The following PDE2A variants were observed in gnomAD, a reference collection of about 807,000 sequenced individuals.
The protein encoded by PDE2A is cGMP-dependent 3',5'-cyclic phosphodiesterase.
A neutral mutation model predicts 133.6 loss-of-function variants in PDE2A; 53 were observed. The ratio of observed to expected loss-of-function variants is 0.40; its 90% CI spans 0.32 to 0.50. The LOEUF (loss-of-function observed/expected upper bound fraction) is 0.50, where lower values mean the gene tolerates loss of function less well. Among genes scored for constraint, PDE2A ranks in the 20% least tolerant of loss-of-function variants. PDE2A has a pLI of 0.73. For missense variants in PDE2A, 796 were observed against 1,232.4 expected, an observed-to-expected ratio of 0.65 and a Z score of 5.30; for synonymous variants, 491 against 490.2, an observed-to-expected ratio of 1.00 and a Z score of -0.02.
At chr11:72,615,224 TCCGCCCC>T (rs1857407218) in intron 2 of PDE2A, 2 of 352,778 alleles carry the variant, frequency 5.7e-6, no homozygotes, top group Non-Finnish European at 1.3e-5. Flanking sequence ...CACAACCAGC[TCCGCCCC>T]GGCCTCTCGC....
chr11:72,629,994 T>C (rs1444499053), intron 2 of PDE2A, among the ~76,000 whole-genome samples: 1 of 151,876 alleles, frequency 6.6e-6, no homozygotes, highest in Admixed American at 6.5e-5. Context: ...CAGTTCTCTC[T>C]CTCTCTCTCA....
Position 72,638,369 on chromosome 11 carries a change from C to T in PDE2A, c.144+3885G>A, listed in dbSNP as rs186060220. On this transcript the variant is annotated intron_variant, in intron 2 of 30. Transcript: ENST00000334456. ...CCAGTCACTTGATGATAGGTGTGAGCATCTGGACTCTGCCAGACCCAGCTC... is the reference window on the plus strand; with the variant it reads ...CCAGTCACTTGATGATAGGTGTGAGTATCTGGACTCTGCCAGACCCAGCTC... Among the ~76,000 whole-genome samples, 111 of 152,322 alleles carry T rather than the reference C, an allele frequency of 7.3e-4. 1 individual carries two copies. The highest frequency in any genetic ancestry group is 2.6e-3 in the African/African-American group (109 of 41,564).
intron 18 of PDE2A, 77 bp from the exon 19 acceptor site, chr11:72,584,390 C>T: frequency 5.6e-6 from 7 of 1,257,480 alleles, no homozygotes; most frequent in East Asian, 2.4e-5. Context: ...CCGGGACCTG[C>T]CCTCGCAGTT....
At chr11:72,629,562 C>A (rs1220613578) in intron 2 of PDE2A, among the ~76,000 whole-genome samples, 1 of 152,230 alleles carries the variant, frequency 6.6e-6, no homozygotes, top group Non-Finnish European at 1.5e-5. Context: ...AGGCCCTCCC[C>A]TCCCAGCTCC....
intron 2 of PDE2A, chr11:72,630,997 G>A (rs1565182300): frequency 8.5e-7 from 1 of 1,180,144 alleles, no homozygotes; most frequent in Non-Finnish European, 1.2e-6. Flanking sequence ...CTCCCAAGGG[G>A]GAGGGCACCA....
At chr11:72,637,709 G>T (rs1399363917) in intron 2 of PDE2A, among the ~76,000 whole-genome samples, 1 of 152,260 alleles carries the variant, frequency 6.6e-6, no homozygotes, top group Non-Finnish European at 1.5e-5. Context: ...TCGGGCTCAG[G>T]GTAGTGGACA....
intron 2 of PDE2A, among the ~76,000 whole-genome samples, chr11:72,627,920 C>T (rs1178409933): frequency 2.0e-5 from 3 of 152,240 alleles, no homozygotes; most frequent in Non-Finnish European, 4.4e-5. Flanking sequence ...AAGGAGGATG[C>T]CAGGCTGAGC....
intron 4 of PDE2A, among the ~76,000 whole-genome samples, chr11:72,601,042 C>A (rs888607610): frequency 6.7e-6 from 1 of 149,094 alleles, no homozygotes; most frequent in Non-Finnish European, 1.5e-5. Context: ...TGGAGAAGCC[C>A]CCCTCCAACA....
chr11:72,621,831 A>G (rs540513579), intron 2 of PDE2A: 2 of 152,172 alleles, frequency 1.3e-5, no homozygotes, highest in Admixed American at 1.3e-4. Context: ...AGCTCCCCCC[A>G]CCAAAAAAAA....
At chr11:72,630,429 G>A (rs1743000206) in intron 2 of PDE2A, among the ~76,000 whole-genome samples, 3 of 152,044 alleles carry the variant, frequency 2.0e-5, no homozygotes, top group African/African-American at 7.3e-5. Flanking sequence ...ATGGTCAAGG[G>A]GTAGAGAGGA....
intron 1 of PDE2A, chr11:72,668,939 C>T: frequency 9.9e-7 from 1 of 1,010,216 alleles, no homozygotes; most frequent in South Asian, 4.1e-5. Context: ...TGGTCTCTCC[C>T]TCTCCAGGCC....
chr11:72,665,980 C>T (rs1855223103), intron 1 of PDE2A, among the ~76,000 whole-genome samples: 1 of 152,158 alleles, frequency 6.6e-6, no homozygotes, highest in South Asian at 2.1e-4. Context: ...GGAAGCCCCT[C>T]CTCTGGCCTC....
chr11:72,662,009 C>T (rs1481871264), intron 1 of PDE2A, among the ~76,000 whole-genome samples: 5 of 152,074 alleles, frequency 3.3e-5, no homozygotes, highest in African/African-American at 1.2e-4. Flanking sequence ...GGGAGTTCTT[C>T]TGTGTTATTG....
intron 2 of PDE2A, among the ~76,000 whole-genome samples, chr11:72,617,924 A>C (rs1857555874): frequency 1.3e-5 from 2 of 152,280 alleles, no homozygotes; most frequent in South Asian, 4.1e-4. Context: ...TGGGATAAGC[A>C]ATCTTCTGAG....
rs374023941 is a variant in PDE2A, at chr11:72,579,525, C to T, written c.2256+9G>A. 1 of 1,390,502 alleles carries T rather than the reference C, an allele frequency of 7.2e-7. No homozygotes were observed. Among genetic ancestry groups the T allele is most frequent in the Non-Finnish European group, 1.0e-6 (1 of 983,794 alleles). The allele number at this position is 1,390,502 out of a possible 1,614,324, so 86.1% of individuals were successfully genotyped here. The stretch of plus-strand genomic sequence containing the variant: ...CCCTCAATCCCCACCCCACCCCCAA[C>T]CCCATCACCTTCCGGGAGAAATGAT... On this transcript the variant is annotated intron_variant, in intron 26 of 30. Coordinates refer to ENST00000334456, the MANE Select transcript of PDE2A (RefSeq NM_002599.5).
At chr11:72,662,866 C>A (rs947713803) in intron 1 of PDE2A, among the ~76,000 whole-genome samples, 2 of 152,198 alleles carry the variant, frequency 1.3e-5, no homozygotes, top group Non-Finnish European at 2.9e-5. Context: ...CCTGCTTAAA[C>A]TTTCCTCTGC....
intron 1 of PDE2A, among the ~76,000 whole-genome samples, chr11:72,664,256 T>C (rs557167943): frequency 3.7e-4 from 56 of 152,208 alleles, no homozygotes; most frequent in African/African-American, 1.3e-3. Flanking sequence ...CTGGTTCCCT[T>C]AAGCCTTCCC....
chr11:72,605,136 A>G lies in PDE2A; in HGVS notation c.323+2T>C. 6.3e-7 allele frequency: 1 copy of G among 1,599,698 alleles called. No homozygotes were observed. Among genetic ancestry groups the G allele is most frequent in the Non-Finnish European group, 8.6e-7 (1 of 1,169,496 alleles). ...GCAATGGGGGTGCAGAGAATGGCTC[A>G]CCGGACTTTCCCCTCCTGGGGCAGC... On this transcript the variant is annotated splice_donor_variant, in intron 4 of 30. Coordinates refer to ENST00000334456, the MANE Select transcript of PDE2A (RefSeq NM_002599.5). LOFTEE classifies it high-confidence loss of function.
chr11:72,670,904 G>C (rs1205694095), intron 1 of PDE2A, among the ~76,000 whole-genome samples: 1 of 144,946 alleles, frequency 6.9e-6, no homozygotes, highest in Non-Finnish European at 1.6e-5. Context: ...ACAAACAGCA[G>C]GCTGGATAGA....
Sources: gnomAD v4.1 joint callset for allele counts (sites outside exome capture counted in the v4.1 genomes callset) on GRCh38, gnomAD v4.1.1 for gene constraint, MANE v1.5 for transcripts, NCBI Gene and HGNC (gene_info 2026-07-23, HGNC 2026-07-21) for gene names.